RAB6A: variants seen among roughly 807,000 people sequenced by gnomAD.
The protein encoded by RAB6A is ras-related protein Rab-6A.
Under a neutral mutation model 32.3 loss-of-function variants are expected in RAB6A, and 8 were observed. The observed-to-expected ratio is 0.25, with a 90% CI of 0.15 to 0.45. The LOEUF (loss-of-function observed/expected upper bound fraction) is 0.45, where lower values mean the gene tolerates loss of function less well. RAB6A is among the 20% of genes least tolerant of loss of function. RAB6A has a pLI of 1.00. For synonymous variants in RAB6A, 73 were observed against 82.1 expected, an observed-to-expected ratio of 0.89 and a Z score of 0.60; for missense variants, 104 against 249.4, an observed-to-expected ratio of 0.42 and a Z score of 3.93.
chr11:73,691,026 G>C (rs996677276), intron 6 of RAB6A, among the ~76,000 whole-genome samples: 1 of 151,904 alleles, frequency 6.6e-6, no homozygotes, highest in Non-Finnish European at 1.5e-5. Context: ...TTCGGGGGTG[G>C]GGGGGCGATG....
intron 2 of RAB6A, chr11:73,722,323 A>ATTT (rs1946148081): frequency 1.3e-4 from 1 of 7,850 alleles, no homozygotes; most frequent in Non-Finnish European, 3.1e-4. Flanking sequence ...ATATATATAT[A>ATTT]TATATATATA....
chr11:73,730,627 T>G (rs760665776), intron 2 of RAB6A, 138 bp downstream of exon 2: 2 of 659,340 alleles, frequency 3.0e-6, no homozygotes, highest in Non-Finnish European at 5.2e-6. Flanking sequence ...CATTTACACA[T>G]TGTATTTATA....
chr11:73,711,420 T>C (rs530584328), intron 5 of RAB6A, among the ~76,000 whole-genome samples: 4 of 152,360 alleles, frequency 2.6e-5, no homozygotes, highest in Admixed American at 2.0e-4. Flanking sequence ...ATTCACTCCA[T>C]AGTAATATAT....
chr11:73,730,868 T>C (rs72976851), intron 1 of RAB6A, 45 bp from the exon 2 acceptor site: 202,288 of 1,485,690 alleles, frequency 0.14, 14,832 homozygotes, highest in African/African-American at 0.24. Context: ...ACACATTACA[T>C]TGGGTTCTCA....
chr11:73,697,719 T>C (rs1436477675), intron 6 of RAB6A, among the ~76,000 whole-genome samples: 1 of 152,188 alleles, frequency 6.6e-6, no homozygotes, highest in Admixed American at 6.6e-5. Context: ...TAACTCTCCA[T>C]ACCAGAATGT....
At chr11:73,678,832 T>A (rs1201294799) in intron 7 of RAB6A, among the ~76,000 whole-genome samples, 1 of 151,134 alleles carries the variant, frequency 6.6e-6, no homozygotes, top group Non-Finnish European at 1.5e-5. Flanking sequence ...TTCAAGCAAT[T>A]CTCCTGCCTC....
In RAB6A at chr11:73,676,577, C is replaced by T. The variant is rs1360593093; in HGVS notation, c.*1321G>A. ...TAAATCACCAGTTAATTAAACTATA[C>T]AGATCTAATACAAACCAAAACCAGC... On this transcript the variant is annotated 3_prime_UTR_variant, in exon 8 of 8. Coordinates refer to ENST00000336083, the MANE Select transcript of RAB6A (RefSeq NM_198896.2). 6.0e-6 allele frequency: 1 copy of T among 166,448 alleles called. No individual in the cohort carries two copies. The highest frequency in any genetic ancestry group is 2.4e-5 in the African/African-American group (1 of 41,322). The allele number at this position is 166,448 out of a possible 1,614,324, so 10.3% of individuals were successfully genotyped here.
At chr11:73,713,769 G>C (rs1008493847) in intron 5 of RAB6A, among the ~76,000 whole-genome samples, 1 of 152,100 alleles carries the variant, frequency 6.6e-6, no homozygotes, top group African/African-American at 2.4e-5. Context: ...AATCATTTTA[G>C]TGGAACGAAC....
chr11:73,728,611 A>AATAATAATG, intron 2 of RAB6A, among the ~76,000 whole-genome samples: 1 of 3,044 alleles, frequency 3.3e-4, no homozygotes, highest in Admixed American at 4.8e-3. Context: ...TCTTTGTTTA[A>AATAATAATG]ATAATAATAA....
At chr11:73,681,533 C>G (rs1205808028) in intron 6 of RAB6A, among the ~76,000 whole-genome samples, 1 of 152,202 alleles carries the variant, frequency 6.6e-6, no homozygotes, top group Non-Finnish European at 1.5e-5. Flanking sequence ...ATGTATCAGG[C>G]CAGACTTGGT....
chr11:73,676,858 T>C lies in RAB6A; in HGVS notation c.*1040A>G, dbSNP rs1440720536. ...CATTATTTCTACTAATTCAGTAGTT[T>C]TGATCGTAGCGCCAAATTTAAATTC... On this transcript the variant is annotated 3_prime_UTR_variant, in exon 8 of 8. Transcript: ENST00000336083. The C allele has an allele frequency of 6.0e-6, 1 of 167,088 alleles. No individual in the cohort carries two copies. Among genetic ancestry groups the C allele is most frequent in the East Asian group, 1.9e-4 (1 of 5,206 alleles). The allele number at this position is 167,088 out of a possible 1,614,324, so 10.4% of individuals were successfully genotyped here.
chr11:73,716,246 C>A lies in RAB6A; in HGVS notation c.401+5G>T, dbSNP rs778369250. The A allele has an allele frequency of 6.3e-7, 1 of 1,584,544 alleles. No individual in the cohort carries two copies. The highest frequency in any genetic ancestry group is 2.2e-5 in the East Asian group (1 of 44,714). ...ACATTACACACATATAAAATAACTC[C>A]ATACCTCTTGTCAGCAAGATCTGTT... On this transcript the variant is annotated splice_donor_5th_base_variant and intron_variant, in intron 5 of 7. Coordinates refer to ENST00000336083, the MANE Select transcript of RAB6A (RefSeq NM_198896.2).
intron 5 of RAB6A, among the ~76,000 whole-genome samples, chr11:73,713,795 T>A (rs1946004752): frequency 6.6e-6 from 1 of 152,190 alleles, no homozygotes; most frequent in African/African-American, 2.4e-5. Flanking sequence ...GTAATTCTTT[T>A]AAATGTGAAC....
At chr11:73,737,831 T>A (rs943914471) in intron 1 of RAB6A, among the ~76,000 whole-genome samples, 17 of 150,616 alleles carry the variant, frequency 1.1e-4, no homozygotes, top group African/African-American at 3.9e-4. Flanking sequence ...CGTCTCTACT[T>A]AAAAAAAATA....
chr11:73,735,573 G>A (rs1946380873), intron 1 of RAB6A, among the ~76,000 whole-genome samples: 2 of 152,080 alleles, frequency 1.3e-5, no homozygotes, highest in South Asian at 4.1e-4. Context: ...TAAACATGAG[G>A]TCTGAAGGAG....
chr11:73,705,718 T>G (rs1261709529), intron 6 of RAB6A, among the ~76,000 whole-genome samples: 1 of 150,642 alleles, frequency 6.6e-6, no homozygotes, highest in Non-Finnish European at 1.5e-5. Flanking sequence ...TACGTATCAC[T>G]TACTACGTTC....
intron 1 of RAB6A, among the ~76,000 whole-genome samples, chr11:73,750,486 G>GT (rs1243753411): frequency 6.6e-6 from 1 of 152,048 alleles, no homozygotes; most frequent in Admixed American, 6.6e-5. Context: ...CTCCAGGGCA[G>GT]CTGGGATTAT....
At chr11:73,749,395 C>T (rs755045037) in intron 1 of RAB6A, among the ~76,000 whole-genome samples, 1 of 152,120 alleles carries the variant, frequency 6.6e-6, no homozygotes, top group Non-Finnish European at 1.5e-5. Flanking sequence ...TACATACACA[C>T]TGGGTAGAGT....
rs1035392123 is a variant in RAB6A, at chr11:73,702,860, A to AT, written c.495+4559dup. ...TTATCTCAATTTTATATATATTATTATTTTTTTTTTTCTTGAGACAGAGTC... is the reference window on the plus strand; with the variant it reads ...TTATCTCAATTTTATATATATTATTATTTTTTTTTTTTCTTGAGACAGAGTC... On this transcript the variant is annotated intron_variant, in intron 6 of 7. Coordinates refer to ENST00000336083, the MANE Select transcript of RAB6A (RefSeq NM_198896.2). 5.6e-3 allele frequency among the ~76,000 whole-genome samples: 821 copies of AT among 147,442 alleles called. 7 individuals are homozygous for AT. Among genetic ancestry groups the AT allele is most frequent in the African/African-American group, 0.018 (723 of 40,486 alleles).
Sources: gnomAD v4.1 joint callset for allele counts (sites outside exome capture counted in the v4.1 genomes callset) on GRCh38, gnomAD v4.1.1 for gene constraint, MANE v1.5 for transcripts, NCBI Gene and HGNC (gene_info 2026-07-23, HGNC 2026-07-21) for gene names.